POMT2: variants seen among roughly 807,000 people sequenced by gnomAD.
POMT2 encodes the protein protein O-mannosyl-transferase 2.
POMT2 carries 75 observed loss-of-function variants against 100.0 expected under a neutral mutation model. The observed-to-expected ratio is 0.75, with a 90% CI of 0.62 to 0.91. The LOEUF (loss-of-function observed/expected upper bound fraction) is 0.91, where lower values mean the gene tolerates loss of function less well. Ranked by LOEUF, POMT2 falls within the 40% of genes least tolerant of loss-of-function variation. The pLI, the probability that POMT2 is intolerant of heterozygous loss-of-function variation, is 0.00. For synonymous variants in POMT2, 378 were observed against 374.1 expected (o/e 1.01, Z -0.12); for missense variants, 940 against 955.1 (o/e 0.98, Z 0.21).
intron 2 of POMT2, among the ~76,000 whole-genome samples, chr14:77,308,427 C>T (rs573330191): frequency 1.3e-5 from 2 of 148,562 alleles, no homozygotes; most frequent in Non-Finnish European, 3.0e-5. Context: ...GCGATCCCAG[C>T]TCACTGCAAC....
At chr14:77,280,279 C>A in intron 16 of POMT2, 113 bp downstream of exon 16, 3 of 1,568,330 alleles carry the variant, frequency 1.9e-6, no homozygotes, top group Non-Finnish European at 2.6e-6. Context: ...GCCAACCCAT[C>A]CCAGGAGGCC....
chr14:77,301,548 A>T (rs1477542842), intron 5 of POMT2, among the ~76,000 whole-genome samples: 1 of 152,242 alleles, frequency 6.6e-6, no homozygotes, highest in African/African-American at 2.4e-5. Context: ...ACAAGTGACC[A>T]GTCAGGCAGG....
rs1197893690 is a variant in POMT2, at chr14:77,278,395, T to C, written c.2146A>G (p.Ser716Gly). The C allele has an allele frequency of 6.8e-7, 1 of 1,463,272 alleles. No homozygotes were observed. Among genetic ancestry groups the C allele is most frequent in the Non-Finnish European group, 9.4e-7 (1 of 1,067,312 alleles). The allele number at this position is 1,463,272 out of a possible 1,614,324, so 90.6% of individuals were successfully genotyped here. ...ILSLLLGTAY[S>G]FYLFHPLAYG... ...CATGTGAGGTGCAGAGATGCTCACC[T>C]GTAGGCAGTTCCCAGGAGCAGGCTC... Residue 716 changes from serine (S) to glycine (G), a missense_variant and splice_region_variant, in exon 20 of 21, where the codon AGC becomes GGC. Coordinates refer to ENST00000261534, the MANE Select transcript of POMT2 (RefSeq NM_013382.7).
intron 8 of POMT2, among the ~76,000 whole-genome samples, chr14:77,296,828 C>T (rs1278422594): frequency 6.6e-6 from 1 of 152,146 alleles, no homozygotes; most frequent in Non-Finnish European, 1.5e-5. Flanking sequence ...AACCTTTTTT[C>T]CTTAATACTG....
chr14:77,291,464 A>T, intron 9 of POMT2, 84 bp from the exon 10 acceptor site: 1 of 1,542,634 alleles, frequency 6.5e-7, no homozygotes, highest in South Asian at 1.2e-5. Context: ...AGGACAATCA[A>T]CCTCAAACCA....
At position 77,304,686 on chromosome 14, in the gene POMT2, A is replaced by G; in HGVS notation, c.547+6T>C. The G allele has an allele frequency of 6.3e-7, 1 of 1,577,462 alleles. No individual in the cohort carries two copies. The highest frequency in any genetic ancestry group is 8.6e-7 in the Non-Finnish European group (1 of 1,162,236). On this transcript the variant is annotated splice_donor_region_variant and intron_variant, in intron 4 of 20. Transcript: ENST00000261534. ...CAAAAGCCATGGTATGGCTAAGACAACTTACCAAAGGTGAGGAGGGCAGCT... is the reference window on the plus strand; with the variant it reads ...CAAAAGCCATGGTATGGCTAAGACAGCTTACCAAAGGTGAGGAGGGCAGCT...
At chr14:77,296,307 G>T in intron 8 of POMT2, 34 bp from the exon 9 acceptor site, 2 of 1,468,792 alleles carry the variant, frequency 1.4e-6, no homozygotes, top group Non-Finnish European at 1.9e-6. Context: ...GGGGTGAGCT[G>T]GCACAGTGCC....
intron 2 of POMT2, among the ~76,000 whole-genome samples, chr14:77,310,033 G>A (rs1594803233): frequency 2.0e-5 from 3 of 152,162 alleles, no homozygotes; most frequent in African/African-American, 4.8e-5. Context: ...TCCACAGTGC[G>A]CTGAGAACCA....
Position 77,320,547 on chromosome 14 carries a change from A to T in POMT2, c.135T>A (p.Pro45=), listed in dbSNP as rs1891844737. 3 of 1,565,562 alleles carry T rather than the reference A, an allele frequency of 1.9e-6. No homozygotes were observed. The highest frequency in any genetic ancestry group is 2.6e-6 in the Non-Finnish European group (3 of 1,161,788). Residue 45 remains proline, a synonymous_variant, in exon 1 of 21, where the codon CCT becomes CCA. Coordinates refer to ENST00000261534, the MANE Select transcript of POMT2 (RefSeq NM_013382.7). ...AEAVARSPKR[P]AWGSRRFEAV... is the part of the protein sequence containing the mutation. ...CCTCGAAGCGCCGTGAGCCCCAAGC[A>T]GGCCGTTTGGGGCTTCGCGCCACAG...
chr14:77,278,971 G>A, intron 18 of POMT2, 102 bp from the exon 19 acceptor site: 1 of 1,429,340 alleles, frequency 7.0e-7, no homozygotes, highest in Non-Finnish European at 9.6e-7. Flanking sequence ...CCTTGAATAT[G>A]TCATATCACC....
chr14:77,311,840 C>T, intron 2 of POMT2, 109 bp downstream of exon 2: 1 of 1,485,498 alleles, frequency 6.7e-7, no homozygotes, highest in Non-Finnish European at 9.0e-7. Context: ...ATTCTTTCTA[C>T]AAGTCCCAAA....
rs984569019 is a variant in POMT2 at position 77,320,273 on chromosome 14, G to A, written c.248+161C>T. 7 of 1,223,322 alleles carry A rather than the reference G, an allele frequency of 5.7e-6. No individual in the cohort carries two copies. In the East Asian group the frequency reaches 1.0e-4, roughly 18 times the overall value. The allele number at this position is 1,223,322 out of a possible 1,614,324, so 75.8% of individuals were successfully genotyped here. A position where few individuals can be genotyped will look rare whatever the true frequency, so the allele number is the denominator to read the frequency against. ...AGAGCAAAACGATCCCCCTCCCAGA[G>A]AATGCACCTCGCCAGAGGCCAACCC... On this transcript the variant is annotated intron_variant, in intron 1 of 20. Coordinates refer to ENST00000261534, the MANE Select transcript of POMT2 (RefSeq NM_013382.7).
chr14:77,283,942 A>C, intron 14 of POMT2, 69 bp from the exon 15 acceptor site: 2 of 1,327,730 alleles, frequency 1.5e-6, no homozygotes, highest in Non-Finnish European at 2.2e-6. Context: ...CATGGTGTCC[A>C]CATTCCCACC....
At chr14:77,303,734 G>C (rs1167323876) in intron 4 of POMT2, among the ~76,000 whole-genome samples, 1 of 152,136 alleles carries the variant, frequency 6.6e-6, no homozygotes, top group Non-Finnish European at 1.5e-5. Flanking sequence ...GTCTAAAATA[G>C]TACTGATCTC....
intron 2 of POMT2, chr14:77,308,643 A>T (rs1891323363): frequency 5.5e-6 from 2 of 361,646 alleles, no homozygotes; most frequent in Non-Finnish European, 1.1e-5. Flanking sequence ...GGCGTGAGCC[A>T]CCGCGCCCGG....
chr14:77,316,040 T>A (rs1038119662), intron 1 of POMT2, among the ~76,000 whole-genome samples: 11 of 152,124 alleles, frequency 7.2e-5, no homozygotes, highest in African/African-American at 2.7e-4. Flanking sequence ...AAAACAACTT[T>A]GTGGCTGCTG....
At chr14:77,295,631 CAAAAAAAA>C (rs35870247) in intron 9 of POMT2, among the ~76,000 whole-genome samples, 1 of 83,264 alleles carries the variant, frequency 1.2e-5, no homozygotes, top group Admixed American at 1.4e-4. Flanking sequence ...GACTCCATCT[CAAAAAAAA>C]AAAAAAAAAA....
chr14:77,304,909 C>T, intron 3 of POMT2, 109 bp from the exon 4 acceptor site: 1 of 1,523,668 alleles, frequency 6.6e-7, no homozygotes, highest in Non-Finnish European at 8.8e-7. Flanking sequence ...GAAGGCATGA[C>T]TTTGGTGACC....
Position 77,312,912 on chromosome 14 carries a change from G to C in POMT2, c.249-879C>G, listed in dbSNP as rs577350920. Among the ~76,000 whole-genome samples, 3 of 152,322 alleles carry C rather than the reference G, an allele frequency of 2.0e-5. No individual in the cohort carries two copies. The East Asian group carries it at 5.8e-4, about 29-fold the overall frequency. Reference sequence around the variant, plus strand: ...ATCTTATACTAACTAGTATATAAAAGTTGAAGGCTTTCTTACTAAATTAAG... The same window carrying C: ...ATCTTATACTAACTAGTATATAAAACTTGAAGGCTTTCTTACTAAATTAAG... On this transcript the variant is annotated intron_variant, in intron 1 of 20. Transcript: ENST00000261534.
Sources: allele counts gnomAD v4.1 joint callset (sites outside exome capture counted in the v4.1 genomes callset), GRCh38; gene constraint gnomAD v4.1.1; transcripts MANE v1.5; gene names NCBI Gene and HGNC (gene_info 2026-07-23, HGNC 2026-07-21).